Variants in POC1B observed in about 807,000 individuals in gnomAD.
POC1B encodes the protein POC1 centriolar protein homolog B.
Under a neutral mutation model 60.6 loss-of-function variants are expected in POC1B, and 44 were observed. The ratio of observed to expected loss-of-function variants is 0.73; its 90% CI spans 0.57 to 0.93. The LOEUF is 0.93. POC1B is among the 40% of genes least tolerant of loss of function. POC1B has a pLI of 0.00. For synonymous variants in POC1B, 180 were observed against 198.9 expected, an observed-to-expected ratio of 0.90 and a Z score of 0.80; for missense variants, 555 against 572.3, an observed-to-expected ratio of 0.97 and a Z score of 0.31.
chr12:89,503,540 G>A (rs1349244749), intron 2 of POC1B, among the ~76,000 whole-genome samples: 5 of 152,084 alleles, frequency 3.3e-5, no homozygotes, highest in East Asian at 1.9e-4. Flanking sequence ...CTGCCACCCC[G>A]TCTGGGAAGT....
chr12:89,437,365 C>T (rs1416770633), intron 10 of POC1B, among the ~76,000 whole-genome samples: 1 of 152,198 alleles, frequency 6.6e-6, no homozygotes, highest in Non-Finnish European at 1.5e-5. Flanking sequence ...ACAATCCATC[C>T]TCATCTTTTC....
At chr12:89,491,302 C>G (rs1868956034) in intron 4 of POC1B, among the ~76,000 whole-genome samples, 1 of 152,098 alleles carries the variant, frequency 6.6e-6, no homozygotes, top group Non-Finnish European at 1.5e-5. Flanking sequence ...AAAGGTCACA[C>G]TTTCTGTAAG....
At chr12:89,465,421 A>G (rs1222620629) in intron 9 of POC1B, among the ~76,000 whole-genome samples, 1 of 152,164 alleles carries the variant, frequency 6.6e-6, no homozygotes, top group Non-Finnish European at 1.5e-5. Context: ...GGCCAAATGG[A>G]TATTTCCCTC....
intron 10 of POC1B, among the ~76,000 whole-genome samples, chr12:89,430,351 A>G (rs1880979126): frequency 2.0e-5 from 3 of 152,338 alleles, no homozygotes; most frequent in African/African-American, 4.8e-5. Context: ...TTCATTTGTC[A>G]CTTATTTTTG....
chr12:89,461,365 A>G (rs1488559946), intron 9 of POC1B: 1 of 152,188 alleles, frequency 6.6e-6, no homozygotes, highest in Admixed American at 6.6e-5. Flanking sequence ...GGCATAGTGG[A>G]AGAATGCTGA....
chr12:89,494,247 C>T (rs895811013), intron 3 of POC1B, among the ~76,000 whole-genome samples: 1 of 152,010 alleles, frequency 6.6e-6, no homozygotes, highest in Non-Finnish European at 1.5e-5. Flanking sequence ...GACAGGGTCT[C>T]GCTATGTTGC....
Position 89,506,387 on chromosome 12 carries a change from TTC to T in POC1B, c.101-9047_101-9046del, listed in dbSNP as rs574103994. On this transcript the variant is annotated intron_variant, in intron 2 of 11. Coordinates refer to ENST00000313546, the MANE Select transcript of POC1B (RefSeq NM_172240.3). ...AAATGTAGCTATTATTGCTAAAGTT[TTC>T]TCTGTTAGTAGTAACTTAGAGAAAG... is the stretch of plus-strand genomic sequence containing the variant. Among the ~76,000 whole-genome samples the T allele has an allele frequency of 1.4e-3, 209 of 152,346 alleles. 1 individual carries two copies. Among genetic ancestry groups the T allele is most frequent in the African/African-American group, 4.6e-3 (191 of 41,578 alleles).
chr12:89,425,124 C>G (rs1281303320), intron 11 of POC1B, 37 bp downstream of exon 11: 1 of 1,596,434 alleles, frequency 6.3e-7, no homozygotes, highest in Admixed American at 1.7e-5. Flanking sequence ...TGTATTTTAC[C>G]CCCAAGTGCA....
chr12:89,507,746 TTGTC>T (rs1280783504), intron 2 of POC1B, among the ~76,000 whole-genome samples: 4 of 152,238 alleles, frequency 2.6e-5, no homozygotes, highest in Non-Finnish European at 2.9e-5. Flanking sequence ...TGTTTGCTCT[TTGTC>T]TGTCACACAA....
intron 4 of POC1B, among the ~76,000 whole-genome samples, chr12:89,487,607 G>A (rs1868708227): frequency 6.6e-6 from 1 of 152,170 alleles, no homozygotes; most frequent in Non-Finnish European, 1.5e-5. Context: ...CTATGGTGCA[G>A]GCAGGCATAT....
chr12:89,425,137 T>G (rs749840322), intron 11 of POC1B, 24 bp downstream of exon 11: 1 of 1,609,528 alleles, frequency 6.2e-7, no homozygotes, highest in South Asian at 1.1e-5. Flanking sequence ...CAAGTGCAAC[T>G]CATGCAACCT....
chr12:89,456,005 T>TG (rs1431820704), intron 10 of POC1B, among the ~76,000 whole-genome samples: 114 of 138,584 alleles, frequency 8.2e-4, no homozygotes, highest in Non-Finnish European at 1.1e-3. Context: ...TAAAACTCTT[T>TG]TTTGTTGTTG....
intron 4 of POC1B, among the ~76,000 whole-genome samples, chr12:89,476,718 A>ATAGATAGAT (rs1418718600): frequency 2.7e-5 from 3 of 110,700 alleles, no homozygotes; most frequent in African/African-American, 1.0e-4. Flanking sequence ...AGATAGATAG[A>ATAGATAGAT]TAGATAGATA....
intron 9 of POC1B, among the ~76,000 whole-genome samples, chr12:89,463,100 A>C (rs979290402): frequency 4.6e-5 from 7 of 152,206 alleles, no homozygotes; most frequent in Admixed American, 2.0e-4. Flanking sequence ...TGGTCAGACT[A>C]TCACAAAATA....
chr12:89,499,002 G>A (rs188168411), intron 2 of POC1B, among the ~76,000 whole-genome samples: 28 of 152,290 alleles, frequency 1.8e-4, no homozygotes, highest in African/African-American at 6.5e-4. Flanking sequence ...AGAGGTGAGT[G>A]AAATAGGGAG....
chr12:89,440,563 A>C (rs574866258), intron 10 of POC1B, among the ~76,000 whole-genome samples: 13 of 152,280 alleles, frequency 8.5e-5, no homozygotes, highest in Admixed American at 7.8e-4. Flanking sequence ...CTTAAAATTC[A>C]TTTCTCCTTA....
chr12:89,446,398 A>G (rs1021547925), intron 10 of POC1B, among the ~76,000 whole-genome samples: 2 of 152,232 alleles, frequency 1.3e-5, no homozygotes, highest in African/African-American at 2.4e-5. Context: ...TGTGGCACAT[A>G]TACACTATGG....
At chr12:89,473,482 C>T (rs1592610752) in intron 4 of POC1B, among the ~76,000 whole-genome samples, 1 of 150,240 alleles carries the variant, frequency 6.7e-6, no homozygotes, top group Non-Finnish European at 1.5e-5. Context: ...ACCAGCCTGG[C>T]CAACAGGGTG....
chr12:89,498,344 ATCTAACT>A (rs1407118633), intron 2 of POC1B, among the ~76,000 whole-genome samples: 2 of 152,242 alleles, frequency 1.3e-5, no homozygotes, highest in Admixed American at 1.3e-4. Context: ...TGAAAGGTAG[ATCTAACT>A]CTTGCCTAAA....
Sources: allele counts gnomAD v4.1 joint callset (sites outside exome capture counted in the v4.1 genomes callset), GRCh38; gene constraint gnomAD v4.1.1; transcripts MANE v1.5; gene names NCBI Gene and HGNC (gene_info 2026-07-23, HGNC 2026-07-21).